KCTD1: variants seen among roughly 807,000 people sequenced by gnomAD.
KCTD1 encodes potassium channel tetramerization domain containing 1.
KCTD1 carries 24 observed loss-of-function variants against 66.0 expected under a neutral mutation model. That is an observed-to-expected ratio of 0.36 (90% CI 0.26 to 0.51). The LOEUF is 0.51. Ranked by LOEUF, KCTD1 falls within the 20% of genes least tolerant of loss-of-function variation. The pLI, the probability that KCTD1 is intolerant of heterozygous loss-of-function variation, is 0.95. For synonymous variants in KCTD1, 511 were observed against 517.2 expected, an observed-to-expected ratio of 0.99 and a Z score of 0.16; for missense variants, 943 against 1,205.2, an observed-to-expected ratio of 0.78 and a Z score of 3.22.
At chr18:26,588,297 A>AGGAAGGGAAGGGAAG (rs200190341) in intron 1 of KCTD1, among the ~76,000 whole-genome samples, 1,745 of 141,048 alleles carry the variant, frequency 0.012, 39 homozygotes, top group African/African-American at 0.038. Flanking sequence ...AAAGAGGGAA[A>AGGAAGGGAAGGGAAG]GGAAGGGAAG....
intron 1 of KCTD1, among the ~76,000 whole-genome samples, chr18:26,619,693 C>T (rs577049554): frequency 5.1e-4 from 77 of 152,248 alleles, no homozygotes; most frequent in African/African-American, 1.6e-3. Flanking sequence ...GCCGGCAGTG[C>T]GGGCTTGTAA....
intron 2 of KCTD1, among the ~76,000 whole-genome samples, chr18:26,478,777 C>A (rs1455587787): frequency 6.6e-6 from 1 of 152,112 alleles, no homozygotes; most frequent in African/African-American, 2.4e-5. Flanking sequence ...AAAATTAAGT[C>A]TCACTTTGTT....
intron 1 of KCTD1, among the ~76,000 whole-genome samples, chr18:26,574,816 T>G (rs1986186932): frequency 6.6e-6 from 1 of 152,152 alleles, no homozygotes; most frequent in South Asian, 2.1e-4. Flanking sequence ...TTAGATAGCT[T>G]CACATCATCA....
rs371934086 is a variant in KCTD1, at chr18:26,476,706, C to T, written c.1989-47G>A. The T allele has an allele frequency of 2.1e-5, 33 of 1,559,546 alleles. No homozygotes were observed. Among genetic ancestry groups the T allele is most frequent in the African/African-American group, 1.8e-4 (13 of 73,258 alleles). ...AGTGAAGACAATTAGATCAATTGTTCGGGCACTAGGACTAAGAGGTGTCTT... is the reference window on the plus strand; with the variant it reads ...AGTGAAGACAATTAGATCAATTGTTTGGGCACTAGGACTAAGAGGTGTCTT... On this transcript the variant is annotated intron_variant, in intron 2 of 4. Coordinates refer to ENST00000580059, the MANE Select transcript of KCTD1 (RefSeq NM_001142730.3). The surrounding 1 kb of genome is among the most constrained non-coding windows in gnomAD (Gnocchi z 4.9).
At chr18:26,582,131 G>A (rs1019217106) in intron 1 of KCTD1, among the ~76,000 whole-genome samples, 4 of 151,888 alleles carry the variant, frequency 2.6e-5, no homozygotes, top group African/African-American at 9.7e-5. Context: ...AAATTAGCGG[G>A]GCATATTGGT....
At chr18:26,571,799 C>G (rs1004835501) in intron 1 of KCTD1, among the ~76,000 whole-genome samples, 2 of 151,902 alleles carry the variant, frequency 1.3e-5, no homozygotes, top group African/African-American at 4.8e-5. Flanking sequence ...TTTCAAATAG[C>G]CATTATTAAA....
chr18:26,503,636 A>G (rs553513272), intron 1 of KCTD1, among the ~76,000 whole-genome samples: 15 of 152,170 alleles, frequency 9.9e-5, no homozygotes, highest in Non-Finnish European at 1.9e-4. Context: ...GAAAATGAAC[A>G]GATTTGCAGG....
chr18:26,477,963 AC>A (rs892669811), intron 2 of KCTD1, among the ~76,000 whole-genome samples: 1 of 152,100 alleles, frequency 6.6e-6, no homozygotes, highest in Non-Finnish European at 1.5e-5. Context: ...GTGGATTACA[AC>A]CTTTCTGGGA....
At chr18:26,492,576 A>G (rs1212165327) in intron 2 of KCTD1, among the ~76,000 whole-genome samples, 2 of 151,848 alleles carry the variant, frequency 1.3e-5, no homozygotes, top group African/African-American at 4.8e-5. Flanking sequence ...ACTGCACCGC[A>G]GGCTGAGTGA....
At chr18:26,578,746 C>A (rs187804103) in intron 1 of KCTD1, among the ~76,000 whole-genome samples, 22 of 152,308 alleles carry the variant, frequency 1.4e-4, no homozygotes, top group Admixed American at 1.3e-3. Context: ...CTTCTCTTCC[C>A]TTCCTCTATG....
Position 26,598,540 on chromosome 18 carries a change from GTAC to G in KCTD1, c.-16+30604_-16+30606del, listed in dbSNP as rs1986821176. On this transcript the variant is annotated intron_variant, in intron 1 of 4. Coordinates refer to the KCTD1 transcript ENST00000317932. ...AGTACAAATGTGGGGCCATATGGTAGTACTATCTTTAACTTTTTTGAGGGACTT... is the reference window on the plus strand; with the variant it reads ...AGTACAAATGTGGGGCCATATGGTAGTATCTTTAACTTTTTTGAGGGACTT... Among the ~76,000 whole-genome samples, 3 of 151,816 alleles carry G rather than the reference GTAC, an allele frequency of 2.0e-5. No individual in the cohort carries two copies. In the South Asian group the frequency reaches 6.2e-4, roughly 32 times the overall value.
intron 1 of KCTD1, among the ~76,000 whole-genome samples, chr18:26,519,391 A>G (rs1400650500): frequency 1.3e-5 from 2 of 152,224 alleles, no homozygotes; most frequent in Non-Finnish European, 2.9e-5. Context: ...AAGTCAGTCC[A>G]GTATCTTATG....
At chr18:26,463,378 C>G (rs1056939649) in intron 3 of KCTD1, among the ~76,000 whole-genome samples, 11 of 151,742 alleles carry the variant, frequency 7.2e-5, no homozygotes, top group Non-Finnish European at 1.5e-4. Flanking sequence ...GTTTGCATCA[C>G]TGCACTCCAG....
At chr18:26,571,989 T>C (rs769891290) in intron 1 of KCTD1, among the ~76,000 whole-genome samples, 15 of 152,168 alleles carry the variant, frequency 9.9e-5, no homozygotes, top group South Asian at 2.1e-4. Flanking sequence ...CTTAATTCTG[T>C]ATTCATTAAA....
chr18:26,536,607 T>C (rs1477073055), intron 1 of KCTD1, among the ~76,000 whole-genome samples: 2 of 152,156 alleles, frequency 1.3e-5, no homozygotes, highest in African/African-American at 4.8e-5. Context: ...GGAACACTCA[T>C]CAAATGAGAT....
At chr18:26,474,153 T>C (rs901768834) in intron 3 of KCTD1, among the ~76,000 whole-genome samples, 5 of 152,222 alleles carry the variant, frequency 3.3e-5, no homozygotes, top group East Asian at 1.9e-4. Context: ...CACTGAATCA[T>C]GGAATTACAT....
intron 1 of KCTD1, among the ~76,000 whole-genome samples, chr18:26,523,512 G>A (rs1159980090): frequency 6.6e-6 from 1 of 152,184 alleles, no homozygotes; most frequent in Non-Finnish European, 1.5e-5. Context: ...AAAGCTGAGT[G>A]TGGTGGCTCA....
At chr18:26,524,904 C>G (rs558364181) in intron 1 of KCTD1, among the ~76,000 whole-genome samples, 1 of 152,272 alleles carries the variant, frequency 6.6e-6, no homozygotes, top group African/African-American at 2.4e-5. Context: ...TTGTTAGAGG[C>G]ACGACTTTTA....
upstream of KCTD1, among the ~76,000 whole-genome samples, chr18:26,552,273 T>C (rs563311162): frequency 6.6e-6 from 1 of 152,240 alleles, no homozygotes; most frequent in African/African-American, 2.4e-5. Flanking sequence ...CAGAAACATA[T>C]TCAGCTCTTC....
Sources: gnomAD v4.1 joint callset for allele counts (sites outside exome capture counted in the v4.1 genomes callset) on GRCh38, gnomAD v4.1.1 for gene constraint, Gnocchi (gnomAD v3.1) non-coding constraint, MANE v1.5 for transcripts, NCBI Gene and HGNC (gene_info 2026-07-23, HGNC 2026-07-21) for gene names.